The following PIEZO2 variants were observed in gnomAD, a reference collection of about 807,000 sequenced individuals.
PIEZO2 encodes piezo-type mechanosensitive ion channel component 2.
In PIEZO2, 172 loss-of-function variants were observed where a neutral mutation model predicts 337.3. That is an observed-to-expected ratio of 0.51 (90% confidence interval 0.45 to 0.58). The LOEUF (loss-of-function observed/expected upper bound fraction) is 0.58. PIEZO2 is among the 20% of genes least tolerant of loss of function. The pLI, the probability that PIEZO2 is intolerant of heterozygous loss-of-function variation, is 0.00. For synonymous variants in PIEZO2, 1,251 were observed against 1,228.5 expected, an observed-to-expected ratio of 1.02 and a Z score of -0.38; for missense variants, 3,028 against 3,391.3, an observed-to-expected ratio of 0.89 and a Z score of 2.66.
At chr18:10,758,992 G>T (rs1231154460) in intron 26 of PIEZO2, among the ~76,000 whole-genome samples, 1 of 152,182 alleles carries the variant, frequency 6.6e-6, no homozygotes, top group African/African-American at 2.4e-5. Context: ...GGTCTTGGAG[G>T]AGCTGCTCTG....
At chr18:11,044,960 G>A (rs1374470139) in intron 2 of PIEZO2, among the ~76,000 whole-genome samples, 1 of 151,494 alleles carries the variant, frequency 6.6e-6, no homozygotes, top group Admixed American at 6.6e-5. Context: ...ACCAGACCAG[G>A]CAACACACTA....
At chr18:10,768,480 C>T (rs2038459411) in intron 21 of PIEZO2, among the ~76,000 whole-genome samples, 1 of 152,166 alleles carries the variant, frequency 6.6e-6, no homozygotes, top group African/African-American at 2.4e-5. Context: ...CGGAAACCCC[C>T]CATGCAGGTG....
At chr18:10,817,760 A>G (rs2040405302) in intron 7 of PIEZO2, among the ~76,000 whole-genome samples, 1 of 152,062 alleles carries the variant, frequency 6.6e-6, no homozygotes, top group African/African-American at 2.4e-5. Flanking sequence ...AGTCTCTACT[A>G]AAAATACAAA....
rs1316005227 is a variant in PIEZO2 at position 10,877,783 on chromosome 18, C to T, written c.330-6368G>A. Among the ~76,000 whole-genome samples the T allele has an allele frequency of 6.6e-6, 1 of 152,146 alleles. No individual in the cohort carries two copies. Among genetic ancestry groups the T allele is most frequent in the African/African-American group, 2.4e-5 (1 of 41,424 alleles). On this transcript the variant is annotated intron_variant, in intron 4 of 55. Coordinates refer to ENST00000674853, the MANE Select transcript of PIEZO2 (RefSeq NM_001378183.1). The surrounding 1 kb of genome is among the most constrained non-coding windows in gnomAD (Gnocchi z 5.3). Reference sequence around the variant, plus strand: ...TTTAGCAGCATAAAGCTGATCATGTCAACCCCACGGCCCCCAGGAAACATC... The same window carrying T: ...TTTAGCAGCATAAAGCTGATCATGTTAACCCCACGGCCCCCAGGAAACATC...
At position 11,143,215 on chromosome 18, in the gene PIEZO2, G is replaced by T. The variant is rs1438205487; in HGVS notation, c.64+5310C>A. 6.6e-6 allele frequency among the ~76,000 whole-genome samples: 1 copy of T among 152,152 alleles called. No homozygotes were observed. Among genetic ancestry groups the T allele is most frequent in the Non-Finnish European group, 1.5e-5 (1 of 68,028 alleles). ...CAAAAATCTTATAAGCTGTAATGTT[G>T]TAGATTATACACATGGTATCATATT... On this transcript the variant is annotated intron_variant, in intron 1 of 55. Transcript: ENST00000674853. The surrounding 1 kb of genome is among the most constrained non-coding windows in gnomAD (Gnocchi z 4.9).
chr18:11,133,722 C>T lies in PIEZO2; in HGVS notation c.64+14803G>A, dbSNP rs371095398. 3.3e-5 allele frequency among the ~76,000 whole-genome samples: 5 copies of T among 152,004 alleles called. No individual in the cohort carries two copies. The East Asian group carries it at 5.8e-4, about 18-fold the overall frequency. ...TTGGGAGTTGGACTGGCTCTCCCTG[C>T]TCCTCAGCTTGCGGACAGTCTATTG... On this transcript the variant is annotated intron_variant, in intron 1 of 55. Transcript: ENST00000674853.
chr18:11,043,026 A>G (rs924901201), intron 2 of PIEZO2, among the ~76,000 whole-genome samples: 1 of 152,242 alleles, frequency 6.6e-6, no homozygotes, highest in African/African-American at 2.4e-5. Flanking sequence ...TACTCCAGAT[A>G]CAAGTCTAAT....
At chr18:10,807,855 AC>A (rs2040050701) in intron 7 of PIEZO2, among the ~76,000 whole-genome samples, 1 of 152,226 alleles carries the variant, frequency 6.6e-6, no homozygotes, top group Admixed American at 6.5e-5. Context: ...AAGCATAGTA[AC>A]TAATCATTTT....
chr18:10,858,341 A>AC (rs1404813660), intron 5 of PIEZO2, among the ~76,000 whole-genome samples: 2,551 of 141,472 alleles, frequency 0.018, 121 homozygotes, highest in African/African-American at 0.058. Context: ...AAAAAAAAAA[A>AC]AAAAAAGAAA....
At position 10,671,437 on chromosome 18, in the gene PIEZO2, C is replaced by A; in HGVS notation, c.*90G>T. On this transcript the variant is annotated 3_prime_UTR_variant, in exon 56 of 56. Coordinates refer to ENST00000674853, the MANE Select transcript of PIEZO2 (RefSeq NM_001378183.1). ...CAGAAGAGAAACAAACCATTTCCGT[C>A]GAACTAGAAATGCTTAGCTCTTATG... is the stretch of plus-strand genomic sequence containing the variant. 7.4e-7 allele frequency: 1 copy of A among 1,349,008 alleles called. No homozygotes were observed. The highest frequency in any genetic ancestry group is 1.5e-5 in the South Asian group (1 of 65,848). 83.6% of individuals were successfully genotyped at this position (1,349,008 alleles called of 1,614,324 possible).
chr18:11,089,339 A>C (rs1386105417), intron 1 of PIEZO2, among the ~76,000 whole-genome samples: 1 of 152,164 alleles, frequency 6.6e-6, no homozygotes, highest in Non-Finnish European at 1.5e-5. Flanking sequence ...CAGTTAACAC[A>C]GGCGAAATCA....
At chr18:10,785,038 AG>A (rs1169388063) in intron 16 of PIEZO2, 81 bp from the exon 17 acceptor site, 1 of 1,384,680 alleles carries the variant, frequency 7.2e-7, no homozygotes, top group East Asian at 2.5e-5. Context: ...ACTACATCAC[AG>A]TCTTACACTC....
intron 11 of PIEZO2, among the ~76,000 whole-genome samples, chr18:10,798,647 A>C (rs1468219318): frequency 6.6e-6 from 1 of 152,200 alleles, no homozygotes; most frequent in African/African-American, 2.4e-5. Context: ...CCAGTTTATG[A>C]TTTCAGTATG....
At position 10,727,874 on chromosome 18, in the gene PIEZO2, C is replaced by T. The variant is rs1045317115; in HGVS notation, c.5029+3533G>A. On this transcript the variant is annotated intron_variant, in intron 36 of 55. Transcript: ENST00000674853. This position sits in a 1 kb window ranked among gnomAD's most constrained non-coding sequence, Gnocchi z 6.3. ...CTCCTGGACCAGGTGAGGTGCAGAG[C>T]GCCTTTTGTGTAAGTTACTGGTCAG... 3.3e-5 allele frequency: 5 copies of T among 151,900 alleles called. No homozygotes were observed. The highest frequency in any genetic ancestry group is 1.2e-4 in the African/African-American group (5 of 41,298). 9.4% of individuals were successfully genotyped at this position (151,900 alleles called of 1,614,324 possible).
chr18:10,788,431 G>T (rs146847007), intron 15 of PIEZO2, among the ~76,000 whole-genome samples: 2 of 38,092 alleles, frequency 5.3e-5, no homozygotes, highest in Non-Finnish European at 8.7e-5. Context: ...AGAAAGAAAG[G>T]AAGGAAGGAA....
Position 10,899,369 on chromosome 18 carries a change from T to C in PIEZO2, c.329+11817A>G, listed in dbSNP as rs1320412383. Among the ~76,000 whole-genome samples, 1 of 152,238 alleles carries C rather than the reference T, an allele frequency of 6.6e-6. No individual in the cohort carries two copies. The highest frequency in any genetic ancestry group is 1.5e-5 in the Non-Finnish European group (1 of 68,042). On this transcript the variant is annotated intron_variant, in intron 4 of 55. Transcript: ENST00000674853. This position sits in a 1 kb window ranked among gnomAD's most constrained non-coding sequence, Gnocchi z 4.6. ...ACTGTTTTCACTTTATCTAGGATAA[T>C]GTATTTCCAAAGATTTGGATGGAAA...
At chr18:11,075,500 C>T (rs75695491) in intron 1 of PIEZO2, among the ~76,000 whole-genome samples, 11,609 of 152,220 alleles carry the variant, frequency 0.076, 846 homozygotes, top group African/African-American at 0.2. Flanking sequence ...TCTCAAACAG[C>T]GATGCTTTAG....
In PIEZO2 at chr18:11,101,655, C is replaced by G. The variant is rs993210979; in HGVS notation, c.65-35433G>C. ...TCTCAAACCTGTCAATTTGAAAAAC[C>G]GATGACTATGTTCAGTGTTTATATC... is the stretch of plus-strand genomic sequence containing the variant. On this transcript the variant is annotated intron_variant, in intron 1 of 55. Transcript: ENST00000674853. The surrounding 1 kb of genome is among the most constrained non-coding windows in gnomAD (Gnocchi z 4.4). 6.6e-6 allele frequency among the ~76,000 whole-genome samples: 1 copy of G among 152,134 alleles called. No individual in the cohort carries two copies. Among genetic ancestry groups the G allele is most frequent in the Non-Finnish European group, 1.5e-5 (1 of 68,020 alleles).
chr18:10,934,058 T>G (rs930817393), intron 3 of PIEZO2, among the ~76,000 whole-genome samples: 1 of 152,210 alleles, frequency 6.6e-6, no homozygotes, highest in African/African-American at 2.4e-5. Flanking sequence ...CTAATACAGG[T>G]GGTAACTCAG....
Sources: allele counts gnomAD v4.1 joint callset (sites outside exome capture counted in the v4.1 genomes callset), GRCh38; gene constraint gnomAD v4.1.1; non-coding constraint Gnocchi (gnomAD v3.1); transcripts MANE v1.5; gene names NCBI Gene and HGNC (gene_info 2026-07-23, HGNC 2026-07-21).